The following ALK variants were observed in gnomAD, a reference collection of about 807,000 sequenced individuals.
ALK encodes the protein ALK receptor tyrosine kinase, also known as ALK tyrosine kinase receptor.
A neutral mutation model predicts 163.1 loss-of-function variants in ALK; 74 were observed. That is an observed-to-expected ratio of 0.45 (90% CI 0.38 to 0.55). The LOEUF is 0.55. Ranked by LOEUF, ALK falls within the 20% of genes least tolerant of loss-of-function variation. ALK has a pLI of 0.00. For missense variants in ALK, 2,063 were observed against 2,105.3 expected, an observed-to-expected ratio of 0.98 and a Z score of 0.39; for synonymous variants, 960 against 843.2, an observed-to-expected ratio of 1.14 and a Z score of -2.40.
At chr2:29,883,643 G>A (rs6547981) in intron 1 of ALK, among the ~76,000 whole-genome samples, 114,579 of 152,148 alleles carry the variant, frequency 0.75, 43,290 homozygotes, top group East Asian at 0.79. Context: ...CTCAGATTCA[G>A]TGGGGTAAAA....
rs529142036 is a variant in ALK, at chr2:29,737,570, G to A, written c.668-19873C>T. On this transcript the variant is annotated intron_variant, in intron 1 of 28. Transcript: ENST00000389048. ...CTCTTGGCTATGGGCAGCAGTGACT[G>A]CTCTGGGCTCCACAGTGGGCAAAGC... is the stretch of plus-strand genomic sequence containing the variant. 5.4e-4 allele frequency among the ~76,000 whole-genome samples: 80 copies of A among 147,460 alleles called. 1 individual carries two copies. Among genetic ancestry groups the A allele is most frequent in the African/African-American group, 2.1e-3 (77 of 36,952 alleles).
At chr2:29,477,361 T>A (rs1671553512) in intron 4 of ALK, among the ~76,000 whole-genome samples, 1 of 152,166 alleles carries the variant, frequency 6.6e-6, no homozygotes, top group Non-Finnish European at 1.5e-5. Context: ...CATTACAAAA[T>A]AAATGGCAAC....
intron 1 of ALK, among the ~76,000 whole-genome samples, chr2:29,910,340 G>A (rs1667668989): frequency 6.6e-6 from 1 of 151,854 alleles, no homozygotes; most frequent in Non-Finnish European, 1.5e-5. Flanking sequence ...GAGAGAAAAG[G>A]GGCTGAGAAA....
At chr2:29,720,757 C>A (rs1679397423) in intron 1 of ALK, among the ~76,000 whole-genome samples, 1 of 152,158 alleles carries the variant, frequency 6.6e-6, no homozygotes, top group South Asian at 2.1e-4. Context: ...TTACCCTTGC[C>A]CTACCCAACC....
At chr2:29,731,349 TG>T (rs1679736629) in intron 1 of ALK, among the ~76,000 whole-genome samples, 1 of 152,246 alleles carries the variant, frequency 6.6e-6, no homozygotes, top group Admixed American at 6.5e-5. Flanking sequence ...CAAGATGGCT[TG>T]GCTTCTTCCA....
In ALK at chr2:29,655,517, C is replaced by T. The variant is rs544260705; in HGVS notation, c.952+39333G>A. On this transcript the variant is annotated intron_variant, in intron 3 of 28. Coordinates refer to ENST00000389048, the MANE Select transcript of ALK (RefSeq NM_004304.5). ...CACTAACAACAGAGTGCATGAGGAACGCATTCAGTCCTCCCTCAGATTATT... is the reference window on the plus strand; with the variant it reads ...CACTAACAACAGAGTGCATGAGGAATGCATTCAGTCCTCCCTCAGATTATT... Among the ~76,000 whole-genome samples, 56 of 152,260 alleles carry T rather than the reference C, an allele frequency of 3.7e-4. 1 individual carries two copies. Among genetic ancestry groups the T allele is most frequent in the South Asian group, 2.7e-3 (13 of 4,832 alleles).
intron 4 of ALK, among the ~76,000 whole-genome samples, chr2:29,436,959 T>C (rs771870207): frequency 4.6e-5 from 7 of 152,082 alleles, no homozygotes; most frequent in Non-Finnish European, 8.8e-5. Flanking sequence ...ACAGAGGTAG[T>C]GAGGGGTGCC....
At chr2:29,351,230 T>C (rs991633701) in intron 5 of ALK, among the ~76,000 whole-genome samples, 2 of 152,214 alleles carry the variant, frequency 1.3e-5, no homozygotes, top group African/African-American at 4.8e-5. Context: ...TTTGGGATCT[T>C]ATATTTTTGT....
chr2:29,726,472 C>A (rs1423777951), intron 1 of ALK, among the ~76,000 whole-genome samples: 2 of 152,196 alleles, frequency 1.3e-5, no homozygotes, highest in Non-Finnish European at 2.9e-5. Context: ...AGTCCATCAA[C>A]AAAAGACCTT....
chr2:29,742,344 C>A (rs539359730), intron 1 of ALK, among the ~76,000 whole-genome samples: 35 of 152,338 alleles, frequency 2.3e-4, no homozygotes, highest in Admixed American at 5.9e-4. Flanking sequence ...ACCCTTGTGA[C>A]CAAGGGCCTG....
At chr2:29,281,410 TCTGTGTTGCCTAAGAACGTGG>T in intron 9 of ALK, among the ~76,000 whole-genome samples, 1 of 152,256 alleles carries the variant, frequency 6.6e-6, no homozygotes, top group African/African-American at 2.4e-5. Context: ...CTCTCACCAA[TCTGTGTTGCCTAAGAACGTGG>T]CAGGGGAGTC....
chr2:29,719,020 T>C (rs929901559), intron 1 of ALK, among the ~76,000 whole-genome samples: 2 of 152,198 alleles, frequency 1.3e-5, no homozygotes, highest in Non-Finnish European at 2.9e-5. Flanking sequence ...TAAACCCCAC[T>C]TCACACACTT....
chr2:29,456,505 A>G (rs1670956686), intron 4 of ALK, among the ~76,000 whole-genome samples: 1 of 152,306 alleles, frequency 6.6e-6, no homozygotes, highest in Admixed American at 6.5e-5. Context: ...AGGTATGTAG[A>G]GTAGTCAAAT....
intron 4 of ALK, among the ~76,000 whole-genome samples, chr2:29,509,448 G>T (rs1672448222): frequency 6.6e-6 from 1 of 152,130 alleles, no homozygotes; most frequent in Non-Finnish European, 1.5e-5. Flanking sequence ...ATCCCTTTCA[G>T]TCCCTCCTTC....
chr2:29,889,701 GAGAGA>G, intron 1 of ALK, among the ~76,000 whole-genome samples: 2 of 2,868 alleles, frequency 7.0e-4, no homozygotes, highest in Non-Finnish European at 2.1e-3. Context: ...TAGACAGAGA[GAGAGA>G]GAGAGAGAGA....
At chr2:29,851,278 C>G (rs375477842) in intron 1 of ALK, among the ~76,000 whole-genome samples, 1 of 152,168 alleles carries the variant, frequency 6.6e-6, no homozygotes, top group African/African-American at 2.4e-5. Flanking sequence ...ACTGCAAAAT[C>G]TTTTCCCCGG....
chr2:29,717,171 C>CAAAAAAAAAAAA lies in ALK; in HGVS notation c.787+395_787+406dup, dbSNP rs754615995. 1.1e-3 allele frequency among the ~76,000 whole-genome samples: 81 copies of CAAAAAAAAAAAA among 70,550 alleles called. 2 individuals carry two copies. The highest frequency in any genetic ancestry group is 2.0e-3 in the South Asian group (3 of 1,470). The allele number at this position is 70,550 out of a possible 152,430, so 46.3% of individuals were successfully genotyped here. ...TGGGCGACAGAGCAAGACTCTGTCT[C>CAAAAAAAAAAAA]AAAAAAAAAAAAAAAAAAAGAGAGA... On this transcript the variant is annotated intron_variant, in intron 2 of 28. Coordinates refer to ENST00000389048, the MANE Select transcript of ALK (RefSeq NM_004304.5).
At chr2:29,557,423 C>T (rs1673893369) in intron 3 of ALK, among the ~76,000 whole-genome samples, 1 of 152,146 alleles carries the variant, frequency 6.6e-6, no homozygotes, top group Non-Finnish European at 1.5e-5. Context: ...TCTCAGGGCT[C>T]AGGGCTCAGA....
intron 4 of ALK, among the ~76,000 whole-genome samples, chr2:29,426,312 A>G (rs988750993): frequency 6.6e-6 from 1 of 152,194 alleles, no homozygotes; most frequent in South Asian, 2.1e-4. Context: ...CAGGAATTCA[A>G]CATGTCTTTT....
Sources: gnomAD v4.1 joint callset for allele counts (sites outside exome capture counted in the v4.1 genomes callset) on GRCh38, gnomAD v4.1.1 for gene constraint, MANE v1.5 for transcripts, NCBI Gene and HGNC (gene_info 2026-07-23, HGNC 2026-07-21) for gene names.